The following RHOBTB3 variants were observed in gnomAD, a reference collection of about 807,000 sequenced individuals.
RHOBTB3 encodes rho-related BTB domain-containing protein 3.
A neutral mutation model predicts 67.2 loss-of-function variants in RHOBTB3; 47 were observed. That is an observed-to-expected ratio of 0.70 (90% CI 0.55 to 0.89). The LOEUF (loss-of-function observed/expected upper bound fraction) is 0.89. RHOBTB3 is among the 40% of genes least tolerant of loss of function. The probability of loss-of-function intolerance (pLI) is 0.00; values close to 1 mark genes in which losing one functional copy is unlikely to be tolerated. For missense variants in RHOBTB3, 631 were observed against 750.0 expected, an observed-to-expected ratio of 0.84 and a Z score of 1.85; for synonymous variants, 273 against 274.2, an observed-to-expected ratio of 1.00 and a Z score of 0.04.
At chr5:95,775,540 G>A (rs1745848369) in intron 8 of RHOBTB3, among the ~76,000 whole-genome samples, 1 of 151,666 alleles carries the variant, frequency 6.6e-6, no homozygotes, top group African/African-American at 2.4e-5. Context: ...CTGGTCCCAA[G>A]CATTTCAGAT....
At chr5:95,786,966 C>G (rs1580431283) in intron 10 of RHOBTB3, among the ~76,000 whole-genome samples, 1 of 152,322 alleles carries the variant, frequency 6.6e-6, no homozygotes, top group South Asian at 2.1e-4. Flanking sequence ...ACTTCCCAAA[C>G]CCCCACATGT....
intron 6 of RHOBTB3, among the ~76,000 whole-genome samples, chr5:95,760,103 G>C (rs1350994829): frequency 6.6e-6 from 1 of 152,140 alleles, no homozygotes; most frequent in Non-Finnish European, 1.5e-5. Flanking sequence ...CAACAGTCCG[G>C]TTAACATTTT....
At position 95,724,680 on chromosome 5, in the gene RHOBTB3, G is replaced by A. The variant is rs1754998876; in HGVS notation, n.133+6915G>A. Among the ~76,000 whole-genome samples, 3 of 152,238 alleles carry A rather than the reference G, an allele frequency of 2.0e-5. No individual in the cohort carries two copies. In the South Asian group the frequency reaches 6.2e-4, roughly 32 times the overall value. Reference sequence around the variant, plus strand: ...GGGGTTTCAACATGTTGGCCAGGCTGGTTTCGAACGCCTGACCACAGGTAA... The same window carrying A: ...GGGGTTTCAACATGTTGGCCAGGCTAGTTTCGAACGCCTGACCACAGGTAA... On this transcript the variant is annotated intron_variant and non_coding_transcript_variant, in intron 1 of 5. Transcript: ENST00000504949.
chr5:95,763,684 T>C (rs1395150041), intron 7 of RHOBTB3, 64 bp downstream of exon 7: 2 of 919,892 alleles, frequency 2.2e-6, no homozygotes, highest in African/African-American at 1.6e-5. Flanking sequence ...CATACTATGA[T>C]GAATATAAAA....
At chr5:95,743,601 A>G (rs1329106708) in intron 3 of RHOBTB3, among the ~76,000 whole-genome samples, 2 of 151,308 alleles carry the variant, frequency 1.3e-5, no homozygotes, top group Non-Finnish European at 2.9e-5. Context: ...GTTGCTGTGT[A>G]TTCAGTCCTT....
intron 1 of RHOBTB3, among the ~76,000 whole-genome samples, chr5:95,723,132 T>C (rs10054937): frequency 0.057 from 8,704 of 152,000 alleles, 844 homozygotes; most frequent in African/African-American, 0.2. Flanking sequence ...GAAAAAGAAT[T>C]GTCTTGGGCC....
chr5:95,733,262 A>G (rs1580392642), intron 2 of RHOBTB3, among the ~76,000 whole-genome samples: 1 of 152,250 alleles, frequency 6.6e-6, no homozygotes, highest in Non-Finnish European at 1.5e-5. Flanking sequence ...GCTGTTCATA[A>G]GAAGTATTGA....
chr5:95,725,274 G>C (rs1263601620), intron 1 of RHOBTB3, among the ~76,000 whole-genome samples: 3 of 152,198 alleles, frequency 2.0e-5, no homozygotes, highest in Non-Finnish European at 4.4e-5. Flanking sequence ...TACAAATGAT[G>C]ATGAATAAAA....
At position 95,793,928 on chromosome 5, in the gene RHOBTB3, C is replaced by T. The variant is rs762032348; in HGVS notation, c.*754C>T. Reference sequence around the variant, plus strand: ...TGTTTGAAGAAGGGCCCCATGATTTCATTTTGTGCTGAGCCCTCAAAATTA... The same window carrying T: ...TGTTTGAAGAAGGGCCCCATGATTTTATTTTGTGCTGAGCCCTCAAAATTA... On this transcript the variant is annotated 3_prime_UTR_variant, in exon 12 of 12. Coordinates refer to ENST00000379982, the MANE Select transcript of RHOBTB3 (RefSeq NM_014899.4). 2.2e-6 allele frequency: 1 copy of T among 448,162 alleles called. No individual in the cohort carries two copies. Among genetic ancestry groups the T allele is most frequent in the Non-Finnish European group, 4.5e-6 (1 of 224,130 alleles). The allele number at this position is 448,162 out of a possible 1,614,324, so 27.8% of individuals were successfully genotyped here. A position where few individuals can be genotyped will look rare whatever the true frequency, so the allele number is the denominator to read the frequency against.
rs925144969 is a variant in RHOBTB3 at position 95,718,487 on chromosome 5, C to A, written n.133+722C>A. On this transcript the variant is annotated intron_variant and non_coding_transcript_variant, in intron 1 of 5. Transcript: ENST00000504949. ...AGGGAAGTTCCCCAGCTGATGCCTC[C>A]GTTTTCTCTGACAGAAAACATGAGA... Among the ~76,000 whole-genome samples, 5 of 152,318 alleles carry A rather than the reference C, an allele frequency of 3.3e-5. No homozygotes were observed. In the South Asian group the frequency reaches 1.0e-3, roughly 32 times the overall value.
intron 10 of RHOBTB3, among the ~76,000 whole-genome samples, chr5:95,787,965 C>G (rs554276267): frequency 6.6e-6 from 1 of 152,296 alleles, no homozygotes; most frequent in South Asian, 2.1e-4. Context: ...TTATTAGTGA[C>G]ATTTAACTGT....
Position 95,783,974 on chromosome 5 carries a change from C to G in RHOBTB3, c.1623+11C>G, listed in dbSNP as rs1746145458. ...CTTAAAAAGGCCAAGGTAATTGACT[C>G]TGTGTATCTGATAGCCTAGTTTTTT... On this transcript the variant is annotated intron_variant, in intron 10 of 11. Transcript: ENST00000379982. 3.8e-6 allele frequency: 6 copies of G among 1,578,892 alleles called. No homozygotes were observed. The highest frequency in any genetic ancestry group is 1.2e-5 in the South Asian group (1 of 84,444).
intron 8 of RHOBTB3, chr5:95,769,119 T>C (rs1422252009): frequency 3.0e-5 from 11 of 371,850 alleles, no homozygotes; most frequent in South Asian, 2.6e-5. Flanking sequence ...TTCTTCAAGG[T>C]GTCGACCTTT....
chr5:95,780,466 T>C (rs1374738426), intron 9 of RHOBTB3, 41 bp downstream of exon 9: 2 of 1,560,392 alleles, frequency 1.3e-6, no homozygotes, highest in Admixed American at 3.4e-5. Context: ...GAATTCTTTC[T>C]TTCCTTGCCA....
At chr5:95,757,100 C>T (rs531201929) in intron 6 of RHOBTB3, among the ~76,000 whole-genome samples, 14 of 152,090 alleles carry the variant, frequency 9.2e-5, no homozygotes, top group East Asian at 5.8e-4. Context: ...CTATCATAGA[C>T]GTTACTTTTT....
intron 3 of RHOBTB3, among the ~76,000 whole-genome samples, chr5:95,746,937 T>C (rs771889281): frequency 2.6e-4 from 40 of 152,340 alleles, no homozygotes; most frequent in Middle Eastern, 3.4e-3. Context: ...ATACCCGATA[T>C]TTACATATAT....
chr5:95,743,614 T>C (rs748788186), intron 3 of RHOBTB3, among the ~76,000 whole-genome samples: 2 of 151,948 alleles, frequency 1.3e-5, no homozygotes, highest in Non-Finnish European at 2.9e-5. Context: ...CAGTCCTTCC[T>C]GCCTCCCTCC....
chr5:95,765,787 G>T (rs533383585), intron 7 of RHOBTB3, among the ~76,000 whole-genome samples: 2 of 152,068 alleles, frequency 1.3e-5, no homozygotes, highest in Non-Finnish European at 2.9e-5. Context: ...TCAGCCTCCC[G>T]AGTAGTTGGG....
intron 7 of RHOBTB3, among the ~76,000 whole-genome samples, chr5:95,764,870 A>T (rs558214452): frequency 3.4e-5 from 5 of 146,540 alleles, no homozygotes; most frequent in African/African-American, 1.2e-4. Context: ...AAGGGGTAAG[A>T]TTTTTTTTTT....
Sources: gnomAD v4.1 joint callset for allele counts (sites outside exome capture counted in the v4.1 genomes callset) on GRCh38, gnomAD v4.1.1 for gene constraint, MANE v1.5 for transcripts, NCBI Gene and HGNC (gene_info 2026-07-23, HGNC 2026-07-21) for gene names.